DCDC2C: variants seen among roughly 807,000 people sequenced by gnomAD.
DCDC2C encodes doublecortin domain-containing protein 2C.
A neutral mutation model predicts 45.0 loss-of-function variants in DCDC2C; 44 were observed. That is an observed-to-expected ratio of 0.98 (90% CI 0.77 to 1.26). DCDC2C has a LOEUF of 1.26. Ranked by LOEUF, DCDC2C falls within the 50% of genes most tolerant of loss-of-function variation. The probability of loss-of-function intolerance (pLI) is 0.00; values close to 1 mark genes in which losing one functional copy is unlikely to be tolerated. For synonymous variants in DCDC2C, 187 were observed against 178.8 expected (o/e 1.05, Z -0.37); for missense variants, 447 against 468.9 (o/e 0.95, Z 0.43).
At chr2:3,725,555 C>A (rs12328059) in intron 2 of DCDC2C, among the ~76,000 whole-genome samples, 35,760 of 51,056 alleles carry the variant, frequency 0.7, 11,688 homozygotes, top group South Asian at 0.84. Flanking sequence ...GGAGGCTGCC[C>A]GGTGGATCCC....
chr2:3,769,129 G>A (rs917439327), intron 7 of DCDC2C, 182 bp from the exon 8 acceptor site: 5 of 572,614 alleles, frequency 8.7e-6, no homozygotes, highest in African/African-American at 7.5e-5. Flanking sequence ...CTTGGCAGAT[G>A]CAAACAGGAA....
rs147435324 is a variant in DCDC2C at position 3,762,092 on chromosome 2, C to T, written c.727-5662C>T. Among the ~76,000 whole-genome samples, 317 of 150,336 alleles carry T rather than the reference C, an allele frequency of 2.1e-3. 1 individual carries two copies. The highest frequency in any genetic ancestry group is 0.013 in the East Asian group (66 of 5,064). On this transcript the variant is annotated intron_variant, in intron 6 of 10. Coordinates refer to ENST00000399143, the MANE Select transcript of DCDC2C (RefSeq NM_001287444.2). Reference sequence around the variant, plus strand: ...GACGGAGAGAAATATGGGTGTAAGACGTGAGGTTCATGCATGCTTCCTTGT... The same window carrying T: ...GACGGAGAGAAATATGGGTGTAAGATGTGAGGTTCATGCATGCTTCCTTGT...
chr2:3,798,618 C>T (rs1160698573), intron 10 of DCDC2C, among the ~76,000 whole-genome samples: 3 of 149,284 alleles, frequency 2.0e-5, no homozygotes, highest in Admixed American at 1.3e-4. Flanking sequence ...TTTATTTCTC[C>T]TTCACTTATG....
intron 3 of DCDC2C, among the ~76,000 whole-genome samples, chr2:3,732,823 C>A (rs887772551): frequency 3.3e-5 from 5 of 152,112 alleles, no homozygotes; most frequent in Non-Finnish European, 7.3e-5. Context: ...ATAAGAAGGA[C>A]AGATAACACC....
intron 10 of DCDC2C, among the ~76,000 whole-genome samples, chr2:3,798,356 T>C (rs1429856528): frequency 4.0e-5 from 6 of 151,596 alleles, no homozygotes; most frequent in East Asian, 1.9e-4. Flanking sequence ...AATTGGAGCA[T>C]TTAGTCCATT....
chr2:3,777,973 ACAC>A, intron 8 of DCDC2C, among the ~76,000 whole-genome samples: 1 of 151,936 alleles, frequency 6.6e-6, no homozygotes, highest in African/African-American at 2.4e-5. Flanking sequence ...GTGATTTCCC[ACAC>A]CGCATCTTCT....
At chr2:3,712,674 T>TTTA (rs1393918244) in intron 2 of DCDC2C, among the ~76,000 whole-genome samples, 1 of 152,130 alleles carries the variant, frequency 6.6e-6, no homozygotes, top group Non-Finnish European at 1.5e-5. Context: ...TCCTTGCTTA[T>TTTA]TATGTTCCAG....
At chr2:3,721,357 A>C (rs74692971) in intron 2 of DCDC2C, among the ~76,000 whole-genome samples, 1 of 152,150 alleles carries the variant, frequency 6.6e-6, no homozygotes, top group Non-Finnish European at 1.5e-5. Context: ...TTCATCCTGC[A>C]TGGTGCTGAA....
At chr2:3,838,794 T>C (rs1672143525) in intron 10 of DCDC2C, among the ~76,000 whole-genome samples, 1 of 152,358 alleles carries the variant, frequency 6.6e-6, no homozygotes, top group South Asian at 2.1e-4. Context: ...CTGAAAAACA[T>C]GTATGCCTTT....
At chr2:3,794,478 T>C (rs1670904538) in intron 10 of DCDC2C, among the ~76,000 whole-genome samples, 2 of 152,228 alleles carry the variant, frequency 1.3e-5, no homozygotes, top group African/African-American at 4.8e-5. Flanking sequence ...ACTCGTCATC[T>C]AGCATTAGGT....
At chr2:3,798,910 G>C (rs1217857199) in intron 10 of DCDC2C, among the ~76,000 whole-genome samples, 1 of 152,196 alleles carries the variant, frequency 6.6e-6, no homozygotes, top group East Asian at 1.9e-4. Flanking sequence ...GAATCTGAAT[G>C]TTGGCCTGCC....
chr2:3,769,769 C>T (rs150695025), intron 8 of DCDC2C, among the ~76,000 whole-genome samples: 19 of 152,330 alleles, frequency 1.2e-4, no homozygotes, highest in African/African-American at 4.3e-4. Context: ...CACAGAATTC[C>T]CGGCATGGAG....
At chr2:3,767,942 A>G (rs1431243340) in intron 7 of DCDC2C, 62 bp downstream of exon 7, 1 of 1,052,466 alleles carries the variant, frequency 9.5e-7, no homozygotes, top group Admixed American at 4.0e-5. Flanking sequence ...AGAACATGGG[A>G]TTTTTTTTTT....
intron 6 of DCDC2C, among the ~76,000 whole-genome samples, chr2:3,759,159 G>A (rs1669809725): frequency 1.3e-5 from 2 of 152,192 alleles, no homozygotes; most frequent in African/African-American, 2.4e-5. Context: ...TCCTTCCCAC[G>A]CTGCATGCAG....
At chr2:3,739,046 T>G (rs1285317638) in intron 3 of DCDC2C, among the ~76,000 whole-genome samples, 1 of 152,224 alleles carries the variant, frequency 6.6e-6, no homozygotes, top group Non-Finnish European at 1.5e-5. Context: ...TGAAATCCAT[T>G]TCTCCCTCTG....
At chr2:3,811,609 A>G (rs147290976) in intron 10 of DCDC2C, among the ~76,000 whole-genome samples, 1,639 of 152,306 alleles carry the variant, frequency 0.011, 38 homozygotes, top group African/African-American at 0.037. Flanking sequence ...AGAACTTCCA[A>G]TACTATATTG....
chr2:3,789,570 C>T (rs963962468), intron 10 of DCDC2C, among the ~76,000 whole-genome samples: 30 of 152,218 alleles, frequency 2.0e-4, no homozygotes, highest in African/African-American at 7.0e-4. Context: ...AAATACTTTG[C>T]CTTTTTCCAA....
chr2:3,779,779 T>G (rs923090809), intron 9 of DCDC2C, among the ~76,000 whole-genome samples: 9 of 151,656 alleles, frequency 5.9e-5, no homozygotes, highest in Non-Finnish European at 1.2e-4. Flanking sequence ...GAGTCACTTT[T>G]TTTTGCTCTT....
At chr2:3,779,317 G>T (rs1275148167) in intron 9 of DCDC2C, among the ~76,000 whole-genome samples, 1 of 152,210 alleles carries the variant, frequency 6.6e-6, no homozygotes, top group African/African-American at 2.4e-5. Context: ...GCACGAGGGT[G>T]AGGGCGTGCG....
Sources: gnomAD v4.1 joint callset for allele counts (sites outside exome capture counted in the v4.1 genomes callset) on GRCh38, gnomAD v4.1.1 for gene constraint, MANE v1.5 for transcripts, NCBI Gene and HGNC (gene_info 2026-07-23, HGNC 2026-07-21) for gene names.